Variants in CPNE4 observed in about 807,000 individuals in gnomAD.
CPNE4 encodes copine-4.
CPNE4 carries 25 observed loss-of-function variants against 67.9 expected under a neutral mutation model. The ratio of observed to expected loss-of-function variants is 0.37; its 90% CI spans 0.27 to 0.51. CPNE4 has a LOEUF of 0.51. Among genes scored for constraint, CPNE4 ranks in the 20% least tolerant of loss-of-function variants. The probability of loss-of-function intolerance (pLI) is 0.93; values close to 1 mark genes in which losing one functional copy is unlikely to be tolerated. For missense variants in CPNE4, 464 were observed against 690.8 expected (o/e 0.67, Z 3.68); for synonymous variants, 242 against 244.9 (o/e 0.99, Z 0.11).
At chr3:131,656,674 G>A (rs78066579) in intron 7 of CPNE4, among the ~76,000 whole-genome samples, 7,268 of 152,212 alleles carry the variant, frequency 0.048, 501 homozygotes, top group East Asian at 0.32. Flanking sequence ...CCTTTCCCAC[G>A]GACCTTGGCA....
Position 131,700,620 on chromosome 3 carries a change from T to G in CPNE4, c.361-640A>C, listed in dbSNP as rs373500235. Among the ~76,000 whole-genome samples the G allele has an allele frequency of 2.0e-5, 3 of 152,290 alleles. No individual in the cohort carries two copies. In the South Asian group the frequency reaches 6.2e-4, roughly 32 times the overall value. On this transcript the variant is annotated intron_variant, in intron 3 of 15. Transcript: ENST00000429747. Reference sequence around the variant, plus strand: ...CTCTTTTTCCTCTTTCTTCCTTTTTTGAAAGAGAAGTTTGACAAGGCATTG... The same window carrying G: ...CTCTTTTTCCTCTTTCTTCCTTTTTGGAAAGAGAAGTTTGACAAGGCATTG...
intron 1 of CPNE4, among the ~76,000 whole-genome samples, chr3:131,918,796 T>C (rs2070653379): frequency 1.3e-5 from 2 of 152,182 alleles, no homozygotes; most frequent in South Asian, 4.1e-4. Flanking sequence ...ATATGGTGTA[T>C]AATATTTCCC....
At chr3:131,566,725 C>T (rs930158573) in intron 10 of CPNE4, among the ~76,000 whole-genome samples, 1 of 151,904 alleles carries the variant, frequency 6.6e-6, no homozygotes, top group Non-Finnish European at 1.5e-5. Flanking sequence ...CCATTCTCAG[C>T]CTTTTACTCC....
At chr3:131,757,635 A>G (rs778391378) in intron 2 of CPNE4, among the ~76,000 whole-genome samples, 3 of 152,260 alleles carry the variant, frequency 2.0e-5, no homozygotes, top group South Asian at 2.1e-4. Flanking sequence ...AGAAATTTGC[A>G]TAAGTAGCAA....
Position 131,656,059 on chromosome 3 carries a change from T to C in CPNE4, c.681+13616A>G, listed in dbSNP as rs554213922. Among the ~76,000 whole-genome samples, 767 of 151,220 alleles carry C rather than the reference T, an allele frequency of 5.1e-3. 1 individual carries two copies. Among genetic ancestry groups the C allele is most frequent in the Non-Finnish European group, 7.9e-3 (535 of 67,866 alleles). On this transcript the variant is annotated intron_variant, in intron 7 of 15. Coordinates refer to ENST00000429747, the MANE Select transcript of CPNE4 (RefSeq NM_130808.3). ...TGTGGCCACAATACTGTTTCTTTTTTTTTTTTTTTTTGTGACTTGCATTCC... is the reference window on the plus strand; with the variant it reads ...TGTGGCCACAATACTGTTTCTTTTTCTTTTTTTTTTTGTGACTTGCATTCC...
At chr3:131,958,926 A>G (rs7427213) in intron 1 of CPNE4, among the ~76,000 whole-genome samples, 15,800 of 56,430 alleles carry the variant, frequency 0.28, 4,356 homozygotes, top group East Asian at 0.49. Context: ...CCAAAGTGCT[A>G]CAATCACAAA....
chr3:131,657,704 T>TTGTGTGTGTGTGTG lies in CPNE4; in HGVS notation c.681+11957_681+11970dup, dbSNP rs56890555. Among the ~76,000 whole-genome samples the TTGTGTGTGTGTGTG allele has an allele frequency of 1.8e-3, 256 of 140,924 alleles. 2 individuals carry two copies. Among genetic ancestry groups the TTGTGTGTGTGTGTG allele is most frequent in the African/African-American group, 6.3e-3 (238 of 37,614 alleles). 92.5% of individuals were successfully genotyped at this position (140,924 alleles called of 152,430 possible). ...CACGTGCCACCACGTCCAGCTAATTTTGTGTGTGTGTGTGTGTGTGTGTGT... is the reference window on the plus strand; with the variant it reads ...CACGTGCCACCACGTCCAGCTAATTTTGTGTGTGTGTGTGTGTGTGTGTGTGTGTGTGTGTGTGT... On this transcript the variant is annotated intron_variant, in intron 7 of 15. Transcript: ENST00000429747.
intron 7 of CPNE4, among the ~76,000 whole-genome samples, chr3:131,667,582 C>G (rs1268776842): frequency 6.6e-6 from 1 of 151,836 alleles, no homozygotes; most frequent in African/African-American, 2.4e-5. Context: ...GTGGAGAAAC[C>G]CTGATCCTTC....
At chr3:131,833,436 G>A (rs2085450764) in intron 2 of CPNE4, among the ~76,000 whole-genome samples, 1 of 152,178 alleles carries the variant, frequency 6.6e-6, no homozygotes, top group Non-Finnish European at 1.5e-5. Flanking sequence ...ATCCATGCCT[G>A]TAATCCCAGA....
intron 1 of CPNE4, among the ~76,000 whole-genome samples, chr3:132,031,695 A>G (rs1173108674): frequency 6.6e-6 from 1 of 152,204 alleles, no homozygotes; most frequent in Non-Finnish European, 1.5e-5. Context: ...ATTTCAAAGA[A>G]TTTTCGAAGT....
chr3:131,829,435 A>G (rs1470744579), intron 2 of CPNE4, among the ~76,000 whole-genome samples: 1 of 152,200 alleles, frequency 6.6e-6, no homozygotes, highest in African/African-American at 2.4e-5. Context: ...AGCTCTAAAC[A>G]TACCTTATCA....
At chr3:131,594,184 G>A (rs1938706815) in intron 7 of CPNE4, among the ~76,000 whole-genome samples, 1 of 152,100 alleles carries the variant, frequency 6.6e-6, no homozygotes, top group Non-Finnish European at 1.5e-5. Context: ...TCTATACCTA[G>A]TTTGTTGAGT....
chr3:131,606,666 TG>T (rs535254154), intron 7 of CPNE4, among the ~76,000 whole-genome samples: 309 of 152,254 alleles, frequency 2.0e-3, no homozygotes, highest in Non-Finnish European at 3.7e-3. Context: ...TGCCAATCCT[TG>T]GGATTCTCTC....
Position 131,790,891 on chromosome 3 carries a change from A to G in CPNE4, c.181-67266T>C, listed in dbSNP as rs147257712. Among the ~76,000 whole-genome samples the G allele has an allele frequency of 2.9e-4, 44 of 152,262 alleles. No homozygotes were observed. In the East Asian group the frequency reaches 6.4e-3, roughly 22 times the overall value. ...TTTCCTCATAGAATTTTAGCCTAAT[A>G]CAATACAATTTTATGCTTTAACATG... is the stretch of plus-strand genomic sequence containing the variant. On this transcript the variant is annotated intron_variant, in intron 2 of 15. Coordinates refer to ENST00000429747, the MANE Select transcript of CPNE4 (RefSeq NM_130808.3).
chr3:132,010,494 C>T (rs61794906), intron 1 of CPNE4, among the ~76,000 whole-genome samples: 20 of 152,172 alleles, frequency 1.3e-4, no homozygotes, highest in Non-Finnish European at 2.2e-4. Context: ...ATGTGAGCCT[C>T]ACCATCATGT....
intron 1 of CPNE4, among the ~76,000 whole-genome samples, chr3:132,021,462 T>G (rs1006915663): frequency 4.6e-5 from 7 of 152,198 alleles, no homozygotes; most frequent in African/African-American, 1.7e-4. Flanking sequence ...ATGCTCCAAA[T>G]GCAGGGGTTG....
chr3:131,691,420 A>G (rs2081030496), intron 5 of CPNE4, among the ~76,000 whole-genome samples: 1 of 152,196 alleles, frequency 6.6e-6, no homozygotes, highest in Admixed American at 6.6e-5. Context: ...GCTGAAGGCC[A>G]TGATCCTAAG....
chr3:131,679,622 G>C (rs948482137), intron 6 of CPNE4, among the ~76,000 whole-genome samples: 2 of 152,070 alleles, frequency 1.3e-5, no homozygotes, highest in Non-Finnish European at 2.9e-5. Flanking sequence ...ATTGTGGTAC[G>C]TTGTGTCTTT....
chr3:131,932,877 C>A (rs954433703), intron 1 of CPNE4, among the ~76,000 whole-genome samples: 3 of 152,070 alleles, frequency 2.0e-5, no homozygotes, highest in Non-Finnish European at 4.4e-5. Context: ...AATAATTAGC[C>A]AGGTGTGGTG....
Sources: allele counts gnomAD v4.1 joint callset (sites outside exome capture counted in the v4.1 genomes callset), GRCh38; gene constraint gnomAD v4.1.1; transcripts MANE v1.5; gene names NCBI Gene and HGNC (gene_info 2026-07-23, HGNC 2026-07-21).